Variants in GRIK4 observed in about 807,000 individuals in gnomAD.
GRIK4 encodes the protein glutamate ionotropic receptor kainate type subunit 4, also known as glutamate receptor ionotropic, kainate 4.
Under a neutral mutation model 104.9 loss-of-function variants are expected in GRIK4, and 40 were observed. The observed-to-expected ratio is 0.38, with a 90% CI of 0.30 to 0.50. GRIK4 has a LOEUF of 0.50. Ranked by LOEUF, GRIK4 falls within the 20% of genes least tolerant of loss-of-function variation. The pLI, the probability that GRIK4 is intolerant of heterozygous loss-of-function variation, is 0.93. For synonymous variants in GRIK4, 485 were observed against 524.9 expected (o/e 0.92, Z 1.04); for missense variants, 1,047 against 1,308.1 (o/e 0.80, Z 3.08).
intron 13 of GRIK4, among the ~76,000 whole-genome samples, chr11:120,934,747 C>T (rs949671340): frequency 2.0e-5 from 3 of 152,146 alleles, no homozygotes; most frequent in Admixed American, 6.5e-5. Context: ...GTCTTTCTCT[C>T]GGAGGGAATG....
At chr11:120,713,421 G>A (rs1488716309) in intron 3 of GRIK4, among the ~76,000 whole-genome samples, 3 of 152,198 alleles carry the variant, frequency 2.0e-5, no homozygotes, top group Non-Finnish European at 4.4e-5. Flanking sequence ...TCCATAAAGA[G>A]AGCAGGAGGA....
chr11:120,521,663 C>T (rs943457250), intron 1 of GRIK4, among the ~76,000 whole-genome samples: 1 of 152,182 alleles, frequency 6.6e-6, no homozygotes, highest in Non-Finnish European at 1.5e-5. Context: ...CTGGGAACAC[C>T]TGCTATTCCC....
At position 120,754,093 on chromosome 11, in the gene GRIK4, G is replaced by A. The variant is rs75549697; in HGVS notation, c.83-48600G>A. Among the ~76,000 whole-genome samples, 543 of 152,204 alleles carry A rather than the reference G, an allele frequency of 3.6e-3. 11 individuals carry two copies. The East Asian group carries it at 0.064, about 18-fold the overall frequency. On this transcript the variant is annotated intron_variant, in intron 3 of 20. Coordinates refer to ENST00000527524, the MANE Select transcript of GRIK4 (RefSeq NM_014619.5). ...GTCACTCAGGCTGGAATGCAGTGGC[G>A]TGACTTGACTCATTGCAACCTCCAC... is the stretch of plus-strand genomic sequence containing the variant.
At chr11:120,592,412 G>A (rs552693579) in intron 1 of GRIK4, among the ~76,000 whole-genome samples, 5 of 152,262 alleles carry the variant, frequency 3.3e-5, no homozygotes, top group South Asian at 2.1e-4. Flanking sequence ...CTTTAATGAC[G>A]AACCCTGAGA....
At chr11:120,745,297 C>T (rs1025669456) in intron 3 of GRIK4, among the ~76,000 whole-genome samples, 10 of 152,216 alleles carry the variant, frequency 6.6e-5, no homozygotes, top group African/African-American at 2.4e-4. Flanking sequence ...GAACATTCCT[C>T]TGGCTTTTTT....
At chr11:120,771,058 C>CTTTG (rs1387203334) in intron 3 of GRIK4, among the ~76,000 whole-genome samples, 2 of 152,090 alleles carry the variant, frequency 1.3e-5, no homozygotes, top group Non-Finnish European at 2.9e-5. Context: ...GTGGAGTCAA[C>CTTTG]TTTGGAACTG....
At chr11:120,698,792 C>A (rs935424807) in intron 3 of GRIK4, among the ~76,000 whole-genome samples, 1 of 152,270 alleles carries the variant, frequency 6.6e-6, no homozygotes, top group South Asian at 2.1e-4. Context: ...TGTTTGGCTC[C>A]ACCACCCAGC....
intron 2 of GRIK4, among the ~76,000 whole-genome samples, chr11:120,656,024 C>A (rs1949704769): frequency 6.6e-6 from 1 of 152,130 alleles, no homozygotes; most frequent in South Asian, 2.1e-4. Context: ...AGGGGAGAAA[C>A]CCCCCATGGA....
Position 120,986,685 on chromosome 11 carries a change from G to A in GRIK4, c.*425G>A, listed in dbSNP as rs1249609718. 6.4e-6 allele frequency: 1 copy of A among 157,400 alleles called. No individual in the cohort carries two copies. Among genetic ancestry groups the A allele is most frequent in the Non-Finnish European group, 1.4e-5 (1 of 71,962 alleles). The allele number at this position is 157,400 out of a possible 1,614,324, so 9.8% of individuals were successfully genotyped here. On this transcript the variant is annotated 3_prime_UTR_variant, in exon 21 of 21. Coordinates refer to ENST00000527524, the MANE Select transcript of GRIK4 (RefSeq NM_014619.5). ...TTACAGAAAAAAAAAAAATTAAACAGGGAAGTTTTTCTTTTCTGGATTTGT... is the reference window on the plus strand; with the variant it reads ...TTACAGAAAAAAAAAAAATTAAACAAGGAAGTTTTTCTTTTCTGGATTTGT...
chr11:120,703,734 C>T (rs1227473207), intron 3 of GRIK4, among the ~76,000 whole-genome samples: 1 of 152,150 alleles, frequency 6.6e-6, no homozygotes, highest in Admixed American at 6.5e-5. Context: ...TTTTTGGACA[C>T]TTAGATTGTA....
At chr11:120,976,915 G>T (rs1944569439) in intron 19 of GRIK4, among the ~76,000 whole-genome samples, 1 of 152,172 alleles carries the variant, frequency 6.6e-6, no homozygotes, top group African/African-American at 2.4e-5. Context: ...TAAGGGCTAG[G>T]ACATGAGTGT....
intron 1 of GRIK4, among the ~76,000 whole-genome samples, chr11:120,545,998 G>T (rs557804659): frequency 3.9e-5 from 6 of 152,204 alleles, no homozygotes; most frequent in African/African-American, 1.4e-4. Context: ...TTTGTGGGTT[G>T]GTGCCCCTCG....
At chr11:120,591,498 A>G (rs542019485) in intron 1 of GRIK4, among the ~76,000 whole-genome samples, 65 of 152,218 alleles carry the variant, frequency 4.3e-4, no homozygotes, top group African/African-American at 1.5e-3. Context: ...CCATAGCACT[A>G]ATAAGGTTAG....
chr11:120,645,277 CTG>C (rs372685378), intron 1 of GRIK4, among the ~76,000 whole-genome samples: 138 of 152,340 alleles, frequency 9.1e-4, no homozygotes, highest in Middle Eastern at 3.4e-3. Flanking sequence ...CGTTCCTTGA[CTG>C]TGTGACTGCG....
intron 1 of GRIK4, among the ~76,000 whole-genome samples, chr11:120,552,908 G>T (rs1456366327): frequency 6.6e-6 from 1 of 151,898 alleles, no homozygotes; most frequent in East Asian, 1.9e-4. Flanking sequence ...GCTGAGGCAG[G>T]AGAATCACTG....
intron 12 of GRIK4, among the ~76,000 whole-genome samples, chr11:120,900,016 T>A (rs968542480): frequency 2.6e-5 from 4 of 152,218 alleles, no homozygotes; most frequent in African/African-American, 9.7e-5. Context: ...GCTGAAATGA[T>A]TGATCTACTA....
At chr11:120,764,075 G>A (rs1367748451) in intron 3 of GRIK4, among the ~76,000 whole-genome samples, 2 of 152,288 alleles carry the variant, frequency 1.3e-5, no homozygotes, top group East Asian at 1.9e-4. Flanking sequence ...TTGTATGGGA[G>A]TCTAAGTCTC....
chr11:120,785,605 C>T (rs534394306), intron 3 of GRIK4, among the ~76,000 whole-genome samples: 8 of 152,172 alleles, frequency 5.3e-5, no homozygotes, highest in Admixed American at 6.5e-5. Flanking sequence ...TGTGAAAGTC[C>T]GAGAGTTAGC....
intron 8 of GRIK4, among the ~76,000 whole-genome samples, chr11:120,860,707 A>G (rs946522511): frequency 7.2e-5 from 11 of 152,216 alleles, no homozygotes; most frequent in African/African-American, 2.4e-4. Context: ...TGTCTGGCAC[A>G]TGATAAATGC....
Sources: allele counts gnomAD v4.1 joint callset (sites outside exome capture counted in the v4.1 genomes callset), GRCh38; gene constraint gnomAD v4.1.1; transcripts MANE v1.5; gene names NCBI Gene and HGNC (gene_info 2026-07-23, HGNC 2026-07-21).